MACROD2: variants seen among roughly 807,000 people sequenced by gnomAD.
MACROD2 encodes the protein mono-ADP ribosylhydrolase 2.
A neutral mutation model predicts 70.4 loss-of-function variants in MACROD2; 36 were observed. That is an observed-to-expected ratio of 0.51 (90% CI 0.39 to 0.68). The LOEUF is 0.68. MACROD2 is among the 30% of genes least tolerant of loss of function. The pLI, the probability that MACROD2 is intolerant of heterozygous loss-of-function variation, is 0.00. For synonymous variants in MACROD2, 172 were observed against 178.8 expected, an observed-to-expected ratio of 0.96 and a Z score of 0.30; for missense variants, 496 against 538.4, an observed-to-expected ratio of 0.92 and a Z score of 0.78.
chr20:15,728,461 T>C (rs1235993933), intron 8 of MACROD2, among the ~76,000 whole-genome samples: 1 of 152,082 alleles, frequency 6.6e-6, no homozygotes, highest in Non-Finnish European at 1.5e-5. Context: ...TCGGAGTAAT[T>C]TCAATATGAA....
intron 8 of MACROD2, among the ~76,000 whole-genome samples, chr20:15,632,550 C>T (rs1215374318): frequency 1.3e-5 from 2 of 152,090 alleles, no homozygotes; most frequent in African/African-American, 4.8e-5. Flanking sequence ...CCAGGAAATA[C>T]CTTACAGTGT....
intron 3 of MACROD2, among the ~76,000 whole-genome samples, chr20:14,144,532 G>A (rs893778341): frequency 6.6e-6 from 1 of 152,142 alleles, no homozygotes; most frequent in Admixed American, 6.5e-5. Context: ...GTCCAGAACT[G>A]GGGTGAGATA....
intron 10 of MACROD2, among the ~76,000 whole-genome samples, chr20:15,918,438 A>G (rs2065352562): frequency 6.6e-6 from 1 of 152,168 alleles, no homozygotes; most frequent in South Asian, 2.1e-4. Flanking sequence ...CTAACTTGAC[A>G]TGTTTTAATT....
chr20:14,431,804 A>C lies in MACROD2; in HGVS notation c.272-61675A>C, dbSNP rs142346169. Among the ~76,000 whole-genome samples the C allele has an allele frequency of 6.3e-4, 96 of 152,284 alleles. 1 individual carries two copies. In the East Asian group the frequency reaches 0.011, roughly 18 times the overall value. ...GTGGTTTATCAGAGTTAGGGACAGAACCAAGAAAATAATTCGGCCTTCTTA... is the reference window on the plus strand; with the variant it reads ...GTGGTTTATCAGAGTTAGGGACAGACCCAAGAAAATAATTCGGCCTTCTTA... On this transcript the variant is annotated intron_variant, in intron 3 of 17. Transcript: ENST00000684519.
chr20:15,663,379 C>CATG (rs959218203), intron 8 of MACROD2, among the ~76,000 whole-genome samples: 5 of 151,786 alleles, frequency 3.3e-5, no homozygotes, highest in African/African-American at 9.7e-5. Context: ...GGACTACAGG[C>CATG]ATGCACCACC....
At chr20:14,102,303 T>G (rs913189552) in intron 3 of MACROD2, among the ~76,000 whole-genome samples, 2 of 151,914 alleles carry the variant, frequency 1.3e-5, no homozygotes, top group African/African-American at 4.8e-5. Flanking sequence ...CGGCTGGCCT[T>G]AATGAGTACT....
At position 16,022,812 on chromosome 20, in the gene MACROD2, T is replaced by TAAG. The variant is rs1213001764; in HGVS notation, c.1154-18387_1154-18385dup. Among the ~76,000 whole-genome samples, 4 of 152,204 alleles carry TAAG rather than the reference T, an allele frequency of 2.6e-5. No homozygotes were observed. The East Asian group carries it at 7.7e-4, about 29-fold the overall frequency. ...CTATAACGATTTCAGAGCTATATTATAAGACCTGAGACCTGTAGCACAAAT... is the reference window on the plus strand; with the variant it reads ...CTATAACGATTTCAGAGCTATATTATAAGAAGACCTGAGACCTGTAGCACAAAT... On this transcript the variant is annotated intron_variant, in intron 15 of 17. Coordinates refer to ENST00000684519, the MANE Select transcript of MACROD2 (RefSeq NM_001351661.2).
At chr20:15,723,163 G>A (rs932462817) in intron 8 of MACROD2, among the ~76,000 whole-genome samples, 2 of 152,062 alleles carry the variant, frequency 1.3e-5, no homozygotes, top group African/African-American at 4.8e-5. Context: ...CACAGCAAAG[G>A]TGAGAGGAAG....
chr20:16,005,625 T>C (rs1412437632), intron 15 of MACROD2, among the ~76,000 whole-genome samples: 1 of 152,236 alleles, frequency 6.6e-6, no homozygotes, highest in Non-Finnish European at 1.5e-5. Flanking sequence ...TTCCGTAAAC[T>C]ACCTGTGATT....
At chr20:15,027,737 T>C (rs559676811) in intron 5 of MACROD2, among the ~76,000 whole-genome samples, 1 of 151,738 alleles carries the variant, frequency 6.6e-6, no homozygotes, top group African/African-American at 2.4e-5. Flanking sequence ...AAAAAAAATT[T>C]CTTATGAGAG....
At chr20:15,895,917 C>A (rs993451742) in intron 10 of MACROD2, among the ~76,000 whole-genome samples, 1 of 152,214 alleles carries the variant, frequency 6.6e-6, no homozygotes, top group African/African-American at 2.4e-5. Flanking sequence ...GTTTACCACA[C>A]ATACGGCACT....
chr20:14,317,605 T>C (rs1175318952), intron 3 of MACROD2, among the ~76,000 whole-genome samples: 6 of 127,308 alleles, frequency 4.7e-5, no homozygotes, highest in African/African-American at 3.2e-5. Context: ...GATGATAGAG[T>C]GAGACTGTCT....
chr20:15,455,661 A>G (rs1383667562), intron 7 of MACROD2, among the ~76,000 whole-genome samples: 4 of 152,116 alleles, frequency 2.6e-5, no homozygotes, highest in African/African-American at 9.7e-5. Context: ...TCTTTTTGTA[A>G]TGGGAAGACT....
chr20:13,995,957 A>G lies in MACROD2; in HGVS notation c.46+148A>G. On this transcript the variant is annotated intron_variant, in intron 1 of 17. Transcript: ENST00000684519. The surrounding 1 kb of genome is among the most constrained non-coding windows in gnomAD (Gnocchi z 4.3). ...CCGCCTCCCTCCGGTGTCCGTGTGT[A>G]CACACGCGCACACTCGCGCGCACTC... 1.2e-6 allele frequency: 1 copy of G among 864,318 alleles called. No individual in the cohort carries two copies. Among genetic ancestry groups the G allele is most frequent in the Non-Finnish European group, 1.8e-6 (1 of 562,916 alleles). The allele number at this position is 864,318 out of a possible 1,614,324, so 53.5% of individuals were successfully genotyped here.
chr20:16,000,705 C>T (rs557427214), intron 15 of MACROD2, among the ~76,000 whole-genome samples: 1 of 152,314 alleles, frequency 6.6e-6, no homozygotes, highest in South Asian at 2.1e-4. Flanking sequence ...ACAAGTCAGA[C>T]TTGCATTATG....
At chr20:14,485,996 C>T (rs2084725414) in intron 3 of MACROD2, among the ~76,000 whole-genome samples, 1 of 152,104 alleles carries the variant, frequency 6.6e-6, no homozygotes, top group Non-Finnish European at 1.5e-5. Flanking sequence ...GAGATTTAGG[C>T]TAGCCATCAT....
At chr20:15,620,633 A>G (rs1283699890) in intron 8 of MACROD2, among the ~76,000 whole-genome samples, 1 of 152,180 alleles carries the variant, frequency 6.6e-6, no homozygotes, top group Non-Finnish European at 1.5e-5. Flanking sequence ...TAGACTATTC[A>G]TGTAATTTAT....
intron 8 of MACROD2, among the ~76,000 whole-genome samples, chr20:15,824,236 A>G (rs927870112): frequency 6.7e-6 from 1 of 149,746 alleles, no homozygotes; most frequent in African/African-American, 2.5e-5. Flanking sequence ...ACATATCTTA[A>G]GTGTCTCTCT....
At chr20:15,829,111 GA>G (rs73619849) in intron 8 of MACROD2, among the ~76,000 whole-genome samples, 10 of 148,240 alleles carry the variant, frequency 6.7e-5, no homozygotes, top group East Asian at 3.9e-4. Flanking sequence ...ATTATTATCG[GA>G]AAAAAAAAAC....
Sources: allele counts gnomAD v4.1 joint callset (sites outside exome capture counted in the v4.1 genomes callset), GRCh38; gene constraint gnomAD v4.1.1; non-coding constraint Gnocchi (gnomAD v3.1); transcripts MANE v1.5; gene names NCBI Gene and HGNC (gene_info 2026-07-23, HGNC 2026-07-21).